ABI2: variants seen among roughly 807,000 people sequenced by gnomAD.
The protein encoded by ABI2 is abl interactor 2.
In ABI2, 25 loss-of-function variants were observed where a neutral mutation model predicts 59.2. That is an observed-to-expected ratio of 0.42 (90% CI 0.31 to 0.59). The LOEUF (loss-of-function observed/expected upper bound fraction) is 0.59, where lower values mean the gene tolerates loss of function less well. Ranked by LOEUF, ABI2 falls within the 20% of genes least tolerant of loss-of-function variation. The pLI, the probability that ABI2 is intolerant of heterozygous loss-of-function variation, is 0.14. For synonymous variants in ABI2, 213 were observed against 235.5 expected (o/e 0.90, Z 0.87); for missense variants, 545 against 681.8 (o/e 0.80, Z 2.23).
intron 4 of ABI2, among the ~76,000 whole-genome samples, chr2:203,390,491 T>G (rs1055935127): frequency 1.3e-5 from 2 of 151,888 alleles, no homozygotes; most frequent in Non-Finnish European, 2.9e-5. Flanking sequence ...AATTAGCTGG[T>G]CGTGGTGGCA....
chr2:203,332,514 A>G (rs1251964865), intron 1 of ABI2, among the ~76,000 whole-genome samples: 1 of 152,072 alleles, frequency 6.6e-6, no homozygotes, highest in Non-Finnish European at 1.5e-5. Context: ...AGTCCCAGCT[A>G]CTTGGGAGGC....
chr2:203,373,797 C>A (rs1006623681), intron 2 of ABI2, among the ~76,000 whole-genome samples: 1 of 152,160 alleles, frequency 6.6e-6, no homozygotes, highest in Non-Finnish European at 1.5e-5. Context: ...GGAAGTAATT[C>A]TTCTCAAGAG....
At chr2:203,421,888 C>G (rs1016436218) in intron 11 of ABI2, among the ~76,000 whole-genome samples, 5 of 149,404 alleles carry the variant, frequency 3.3e-5, no homozygotes, top group African/African-American at 1.3e-4. Context: ...CACTTGAACC[C>G]AGGAGGTGGA....
rs541851182 is a variant in ABI2, at chr2:203,356,607, C to T, written c.118-10270C>T. On this transcript the variant is annotated intron_variant, in intron 1 of 11. Transcript: ENST00000261018. ...CTGGTCTCGAACTCCTGAGCTCAGG[C>T]GATCCACCCACCTTGGCCTCCGAAA... 1.4e-4 allele frequency among the ~76,000 whole-genome samples: 22 copies of T among 152,162 alleles called. No individual in the cohort carries two copies. The South Asian group carries it at 3.9e-3, about 27-fold the overall frequency.
chr2:203,380,448 A>G, intron 3 of ABI2, 64 bp downstream of exon 3: 1 of 1,122,856 alleles, frequency 8.9e-7, no homozygotes, highest in Non-Finnish European at 1.2e-6. Flanking sequence ...CTCTTGAGAA[A>G]ATTAAGCTTT....
chr2:203,357,291 T>G (rs780354346), intron 1 of ABI2, among the ~76,000 whole-genome samples: 10 of 152,168 alleles, frequency 6.6e-5, no homozygotes, highest in Non-Finnish European at 1.2e-4. Context: ...GGAGTATAAA[T>G]TAATTATTTA....
chr2:203,418,853 A>C (rs890411250), intron 11 of ABI2, among the ~76,000 whole-genome samples: 1 of 152,230 alleles, frequency 6.6e-6, no homozygotes, highest in African/African-American at 2.4e-5. Context: ...AATAAACCCC[A>C]AATAGAAGAA....
intron 1 of ABI2, among the ~76,000 whole-genome samples, chr2:203,360,583 G>C (rs902187722): frequency 2.0e-5 from 3 of 152,160 alleles, no homozygotes; most frequent in African/African-American, 7.2e-5. Flanking sequence ...ACAGGCTAAA[G>C]AAGCAGTTTA....
At chr2:203,342,429 C>T (rs1200789067) in intron 1 of ABI2, among the ~76,000 whole-genome samples, 3 of 151,986 alleles carry the variant, frequency 2.0e-5, no homozygotes, top group Non-Finnish European at 4.4e-5. Flanking sequence ...TGTTAGGAAC[C>T]TACGAAACAA....
intron 2 of ABI2, chr2:203,375,883 A>T: frequency 2.3e-6 from 1 of 433,612 alleles, no homozygotes; most frequent in African/African-American, 2.0e-5. Context: ...TTCAAACTCC[A>T]AATAGAACCG....
intron 8 of ABI2, among the ~76,000 whole-genome samples, chr2:203,398,627 G>A (rs945925966): frequency 2.0e-5 from 3 of 152,134 alleles, no homozygotes; most frequent in Non-Finnish European, 2.9e-5. Flanking sequence ...AAGGTGTACT[G>A]ACATGTAATT....
chr2:203,376,124 TTGAA>T, intron 2 of ABI2: 2 of 1,534,130 alleles, frequency 1.3e-6, no homozygotes, highest in South Asian at 1.2e-5. Context: ...CAGTTTGAGA[TTGAA>T]TGAGGTAAGG....
At chr2:203,360,086 G>A (rs2093219190) in intron 1 of ABI2, among the ~76,000 whole-genome samples, 1 of 150,432 alleles carries the variant, frequency 6.6e-6, no homozygotes, top group African/African-American at 2.4e-5. Context: ...TCAGGAGGCT[G>A]AGGCAGGAGA....
intron 2 of ABI2, among the ~76,000 whole-genome samples, chr2:203,373,690 A>C (rs1472047300): frequency 6.6e-6 from 1 of 152,208 alleles, no homozygotes. Flanking sequence ...CCACCTTCCC[A>C]AGGGCTGAGT....
chr2:203,379,352 G>A (rs927321010), intron 2 of ABI2, among the ~76,000 whole-genome samples: 4 of 152,120 alleles, frequency 2.6e-5, no homozygotes, highest in Non-Finnish European at 4.4e-5. Flanking sequence ...GACTCAAGCA[G>A]TTCTCTTATT....
At chr2:203,426,110 A>G (rs2098419556) in intron 11 of ABI2, among the ~76,000 whole-genome samples, 1 of 152,228 alleles carries the variant, frequency 6.6e-6, no homozygotes, top group Non-Finnish European at 1.5e-5. Context: ...TTTTTATTAA[A>G]ACAGGCCAGA....
At chr2:203,363,012 G>T (rs569919449) in intron 1 of ABI2, among the ~76,000 whole-genome samples, 1 of 152,032 alleles carries the variant, frequency 6.6e-6, no homozygotes, top group East Asian at 1.9e-4. Context: ...CGTATTTTTA[G>T]TAGAGACAGG....
intron 9 of ABI2, among the ~76,000 whole-genome samples, chr2:203,409,818 G>A (rs779567688): frequency 6.6e-5 from 10 of 152,164 alleles, no homozygotes; most frequent in African/African-American, 2.4e-4. Context: ...TAGGCCTGAA[G>A]AAGTTAATTG....
At chr2:203,353,240 G>C (rs749113260) in intron 1 of ABI2, among the ~76,000 whole-genome samples, 2 of 151,706 alleles carry the variant, frequency 1.3e-5, no homozygotes, top group Non-Finnish European at 2.9e-5. Flanking sequence ...AGTTGATTTT[G>C]TATATTGATC....
Sources: allele counts gnomAD v4.1 joint callset (sites outside exome capture counted in the v4.1 genomes callset), GRCh38; gene constraint gnomAD v4.1.1; transcripts MANE v1.5; gene names NCBI Gene and HGNC (gene_info 2026-07-23, HGNC 2026-07-21).